The following ANKS1B variants were observed in gnomAD, a reference collection of about 807,000 sequenced individuals.
ANKS1B encodes ankyrin repeat and sterile alpha motif domain containing 1B.
ANKS1B carries 36 observed loss-of-function variants against 148.3 expected under a neutral mutation model. The observed-to-expected ratio is 0.24, with a 90% CI of 0.19 to 0.32. ANKS1B has a LOEUF of 0.32. Ranked by LOEUF, ANKS1B falls within the 10% of genes least tolerant of loss-of-function variation. The probability of loss-of-function intolerance (pLI) is 1.00; values close to 1 mark genes in which losing one functional copy is unlikely to be tolerated. For missense variants in ANKS1B, 1,157 were observed against 1,542.6 expected (o/e 0.75, Z 4.19); for synonymous variants, 542 against 560.8 (o/e 0.97, Z 0.47).
intron 1 of ANKS1B, among the ~76,000 whole-genome samples, chr12:99,826,356 A>G (rs1215687191): frequency 2.0e-5 from 3 of 152,226 alleles, no homozygotes; most frequent in Non-Finnish European, 2.9e-5. Context: ...GCATCTCTGA[A>G]AAGAGAATGA....
At chr12:99,418,466 G>T (rs898651174) in intron 11 of ANKS1B, among the ~76,000 whole-genome samples, 2 of 152,074 alleles carry the variant, frequency 1.3e-5, no homozygotes, top group Non-Finnish European at 2.9e-5. Context: ...TTTTTTATGT[G>T]TATCTTGCAT....
chr12:99,907,598 C>T (rs1477573499), intron 1 of ANKS1B, among the ~76,000 whole-genome samples: 1 of 151,916 alleles, frequency 6.6e-6, no homozygotes, highest in Non-Finnish European at 1.5e-5. Flanking sequence ...TCTTCATAAC[C>T]GTCAGCAGGG....
intron 8 of ANKS1B, among the ~76,000 whole-genome samples, chr12:99,663,939 T>C (rs1482262947): frequency 1.3e-5 from 2 of 152,192 alleles, no homozygotes; most frequent in Non-Finnish European, 2.9e-5. Flanking sequence ...TCAAAGAACA[T>C]ATTTTGTTTG....
intron 8 of ANKS1B, among the ~76,000 whole-genome samples, chr12:99,719,545 A>G (rs543739475): frequency 6.6e-6 from 1 of 152,236 alleles, no homozygotes; most frequent in Admixed American, 6.5e-5. Flanking sequence ...AGTATCTTCC[A>G]CATCTATTAT....
intron 1 of ANKS1B, among the ~76,000 whole-genome samples, chr12:99,883,851 G>A: frequency 6.6e-6 from 1 of 152,194 alleles, no homozygotes; most frequent in East Asian, 1.9e-4. Context: ...GGGTGGCAGA[G>A]GTTGTAGTGA....
intron 16 of ANKS1B, among the ~76,000 whole-genome samples, chr12:99,067,393 G>T (rs1240497829): frequency 6.6e-6 from 1 of 152,132 alleles, no homozygotes; most frequent in Non-Finnish European, 1.5e-5. Flanking sequence ...TGACACATTG[G>T]GCACCTGCAG....
At chr12:98,907,946 C>T (rs2099781675) in intron 17 of ANKS1B, among the ~76,000 whole-genome samples, 1 of 152,150 alleles carries the variant, frequency 6.6e-6, no homozygotes, top group African/African-American at 2.4e-5. Context: ...GTGAGGCCTC[C>T]CCAGCCACAT....
intron 17 of ANKS1B, among the ~76,000 whole-genome samples, chr12:98,867,317 C>T (rs169300): frequency 0.16 from 24,776 of 152,082 alleles, 2,818 homozygotes; most frequent in East Asian, 0.48. Flanking sequence ...CCAGACAGTG[C>T]GAGGCCATCT....
At chr12:98,860,956 A>G (rs1267926700) in intron 17 of ANKS1B, among the ~76,000 whole-genome samples, 1 of 152,150 alleles carries the variant, frequency 6.6e-6, no homozygotes, top group African/African-American at 2.4e-5. Flanking sequence ...TTTCCTCTTC[A>G]TTGATATAAT....
chr12:98,852,253 CAATG>C (rs1452145297), intron 17 of ANKS1B, among the ~76,000 whole-genome samples: 4 of 151,884 alleles, frequency 2.6e-5, no homozygotes, highest in African/African-American at 9.7e-5. Context: ...AGTGGGTGCT[CAATG>C]AATAGTTGCT....
intron 12 of ANKS1B, among the ~76,000 whole-genome samples, chr12:99,367,023 A>C (rs761230481): frequency 1.3e-4 from 20 of 152,088 alleles, no homozygotes; most frequent in Non-Finnish European, 2.1e-4. Context: ...TGTTTTCTGC[A>C]CTGCAGGGCA....
intron 9 of ANKS1B, among the ~76,000 whole-genome samples, chr12:99,570,231 A>G (rs1377609109): frequency 6.6e-6 from 1 of 152,152 alleles, no homozygotes; most frequent in Non-Finnish European, 1.5e-5. Flanking sequence ...AGCCTGCCAC[A>G]TTAGAAATGT....
At chr12:99,830,104 A>G (rs541587936) in intron 1 of ANKS1B, among the ~76,000 whole-genome samples, 5 of 152,292 alleles carry the variant, frequency 3.3e-5, no homozygotes, top group Non-Finnish European at 7.4e-5. Context: ...TCAATCTGCA[A>G]TCTTCAATTA....
chr12:98,774,833 G>A (rs569626533), intron 24 of ANKS1B, among the ~76,000 whole-genome samples: 2 of 152,242 alleles, frequency 1.3e-5, no homozygotes, highest in African/African-American at 2.4e-5. Flanking sequence ...ATTTTTCACC[G>A]TGGCCTTTTG....
At chr12:99,668,908 G>A (rs1292053545) in intron 8 of ANKS1B, among the ~76,000 whole-genome samples, 1 of 151,962 alleles carries the variant, frequency 6.6e-6, no homozygotes, top group Admixed American at 6.6e-5. Flanking sequence ...CTTCTGCAAT[G>A]ACAGTCTGCT....
At chr12:99,285,833 G>T (rs2079057407) in intron 12 of ANKS1B, among the ~76,000 whole-genome samples, 1 of 152,122 alleles carries the variant, frequency 6.6e-6, no homozygotes, top group Non-Finnish European at 1.5e-5. Flanking sequence ...ACACAGGGCA[G>T]AACTCAGCTG....
At chr12:99,594,687 A>C (rs1017476100) in intron 9 of ANKS1B, among the ~76,000 whole-genome samples, 2 of 152,018 alleles carry the variant, frequency 1.3e-5, no homozygotes, top group African/African-American at 4.8e-5. Flanking sequence ...AGAGGCATAG[A>C]GTAGAATCGT....
intron 8 of ANKS1B, among the ~76,000 whole-genome samples, chr12:99,724,564 C>G (rs1484347682): frequency 6.6e-6 from 1 of 152,048 alleles, no homozygotes; most frequent in Non-Finnish European, 1.5e-5. Context: ...AAAATTGAAC[C>G]AAGCTGCAAA....
chr12:99,747,983 C>A (rs2060755607), intron 8 of ANKS1B, among the ~76,000 whole-genome samples: 1 of 151,768 alleles, frequency 6.6e-6, no homozygotes, highest in African/African-American at 2.4e-5. Flanking sequence ...TATTGAAGCA[C>A]TTTTGGCCTC....
Sources: gnomAD v4.1 joint callset for allele counts (sites outside exome capture counted in the v4.1 genomes callset) on GRCh38, gnomAD v4.1.1 for gene constraint, MANE v1.5 for transcripts, NCBI Gene and HGNC (gene_info 2026-07-23, HGNC 2026-07-21) for gene names.